CDH3: variants seen among roughly 807,000 people sequenced by gnomAD.
The protein encoded by CDH3 is cadherin-3.
CDH3 carries 54 observed loss-of-function variants against 82.0 expected under a neutral mutation model. The observed-to-expected ratio is 0.66, with a 90% CI of 0.53 to 0.83. The LOEUF is 0.83. Among genes scored for constraint, CDH3 ranks in the 40% least tolerant of loss-of-function variants. The pLI is 0.00. For synonymous variants in CDH3, 446 were observed against 437.9 expected (o/e 1.02, Z -0.23); for missense variants, 1,054 against 1,084.6 (o/e 0.97, Z 0.40).
At chr16:68,704,154 G>T (rs895420065), downstream of CDH3, among the ~76,000 whole-genome samples, 1 of 151,546 alleles carries the variant, frequency 6.6e-6, no homozygotes, top group Admixed American at 6.6e-5. Flanking sequence ...GGGCGTGGTG[G>T]CGGGCGCCTG....
At chr16:68,651,808 A>G (rs982637443) in intron 2 of CDH3, 2 of 489,394 alleles carry the variant, frequency 4.1e-6, no homozygotes, top group African/African-American at 4.0e-5. Context: ...CCCTGCTGGA[A>G]GTCAGGGCTG....
intron 2 of CDH3, among the ~76,000 whole-genome samples, chr16:68,673,762 T>C (rs1377573655): frequency 6.6e-6 from 1 of 152,000 alleles, no homozygotes; most frequent in Non-Finnish European, 1.5e-5. Flanking sequence ...CCATCTCTAC[T>C]AAAAATACTA....
chr16:68,709,149 C>T (rs1478747981), intron 1 of CDH3, among the ~76,000 whole-genome samples: 1 of 152,076 alleles, frequency 6.6e-6, no homozygotes, highest in Non-Finnish European at 1.5e-5. Flanking sequence ...AATCACAGTT[C>T]ACTGCAGCCT....
chr16:68,673,928 A>G (rs1960961667), intron 2 of CDH3, among the ~76,000 whole-genome samples: 1 of 152,000 alleles, frequency 6.6e-6, no homozygotes, highest in South Asian at 2.1e-4. Flanking sequence ...AAAAAAAAAG[A>G]TTCATCTCTT....
chr16:68,652,853 AT>A (rs1464046184), intron 2 of CDH3, among the ~76,000 whole-genome samples: 5 of 152,212 alleles, frequency 3.3e-5, no homozygotes, highest in African/African-American at 7.2e-5. Context: ...CCATTGAGAG[AT>A]TCTTGCGTAA....
rs370493999 is a variant in CDH3, at chr16:68,682,293, C to T, written c.997-9C>T. 1.9e-6 allele frequency: 3 copies of T among 1,613,158 alleles called. No homozygotes were observed. Among genetic ancestry groups the T allele is most frequent in the Non-Finnish European group, 1.7e-6 (2 of 1,179,648 alleles). ...TGCTCTGATAGTGCTGTGCTTCTCA[C>T]ACTGACAGTACGAGGCCCATGTGCC... On this transcript the variant is annotated splice_polypyrimidine_tract_variant and intron_variant, in intron 8 of 15. Coordinates refer to ENST00000264012, the MANE Select transcript of CDH3 (RefSeq NM_001793.6).
At chr16:68,669,698 T>C (rs1960834912) in intron 2 of CDH3, among the ~76,000 whole-genome samples, 1 of 152,102 alleles carries the variant, frequency 6.6e-6, no homozygotes, top group African/African-American at 2.4e-5. Flanking sequence ...ATTAGCCTCC[T>C]TCTGGGTTAC....
At chr16:68,657,546 C>T (rs1018565502) in intron 2 of CDH3, among the ~76,000 whole-genome samples, 1 of 152,076 alleles carries the variant, frequency 6.6e-6, no homozygotes, top group Non-Finnish European at 1.5e-5. Context: ...CTCCCTCGAC[C>T]CCATCTTTGA....
rs1267033625 is a variant in CDH3 at position 68,695,320 on chromosome 16, C to T, written c.2068C>T (p.Pro690Ser). ...KRKIKEPLLL[P>S]EDDTRDNVFY... Reference sequence around the variant, plus strand: ...GAAGATCAAGGAGCCCCTCCTACTCCCAGAAGATGACACCCGTGACAACGT... The same window carrying T: ...GAAGATCAAGGAGCCCCTCCTACTCTCAGAAGATGACACCCGTGACAACGT... Residue 690 changes from proline to serine, a missense_variant, in exon 14 of 16, where the codon CCA becomes TCA. Transcript: ENST00000264012. The T allele has an allele frequency of 6.2e-7, 1 of 1,614,030 alleles. No individual in the cohort carries two copies. Among genetic ancestry groups the T allele is most frequent in the Non-Finnish European group, 8.5e-7 (1 of 1,179,980 alleles).
At chr16:68,687,398 A>G (rs1368032746) in intron 11 of CDH3, 114 bp from the exon 12 acceptor site, 2 of 764,918 alleles carry the variant, frequency 2.6e-6, no homozygotes, top group African/African-American at 3.4e-5. Flanking sequence ...ATGTATTGGA[A>G]GCAAGGGCAT....
intron 2 of CDH3, among the ~76,000 whole-genome samples, chr16:68,661,747 G>C (rs1267715684): frequency 6.6e-6 from 1 of 152,188 alleles, no homozygotes; most frequent in East Asian, 1.9e-4. Context: ...GGAATTCAAT[G>C]GCGCGATCTC....
intron 1 of CDH3, among the ~76,000 whole-genome samples, chr16:68,721,784 A>G (rs1357764281): frequency 6.6e-6 from 1 of 152,148 alleles, no homozygotes; most frequent in Non-Finnish European, 1.5e-5. Flanking sequence ...ATAATAATAC[A>G]TAATTGTTAA....
At position 68,649,489 on chromosome 16, in the gene CDH3, A is replaced by C. The variant is rs954536498; in HGVS notation, c.160+3739A>C. 2.6e-5 allele frequency among the ~76,000 whole-genome samples: 4 copies of C among 152,220 alleles called. No homozygotes were observed. The East Asian group carries it at 7.7e-4, about 29-fold the overall frequency. On this transcript the variant is annotated intron_variant, in intron 2 of 15. Transcript: ENST00000264012. Reference sequence around the variant, plus strand: ...GATCAGGCACTGTTCCACAACTTCAACTAAAGCAATGAACAAAACGAAGTC... The same window carrying C: ...GATCAGGCACTGTTCCACAACTTCACCTAAAGCAATGAACAAAACGAAGTC...
intron 7 of CDH3, among the ~76,000 whole-genome samples, 200 bp downstream of exon 7, chr16:68,680,174 G>A (rs542984966): frequency 3.9e-5 from 6 of 152,338 alleles, no homozygotes; most frequent in Middle Eastern, 3.4e-3. Context: ...AGCCAATCTC[G>A]TTAAATCTCC....
At position 68,679,980 on chromosome 16, in the gene CDH3, T is replaced by C. The variant is rs753122508; in HGVS notation, c.867+6T>C. 9.5e-5 allele frequency: 153 copies of C among 1,613,540 alleles called. No homozygotes were observed. The highest frequency in any genetic ancestry group is 1.2e-4 in the Non-Finnish European group (146 of 1,179,650). On this transcript the variant is annotated splice_donor_region_variant and intron_variant, in intron 7 of 15. Transcript: ENST00000264012. ...CCAGTGGCCTGGACCGGGAAGTGAG[T>C]GGCCCTTAGGGAAAGTACTGCCTAC...
chr16:68,696,191 C>T (rs1180833652), intron 15 of CDH3: 50 of 448,460 alleles, frequency 1.1e-4, no homozygotes, highest in Admixed American at 9.9e-4. Flanking sequence ...GAGGCTGAGA[C>T]GGGTGAATCA....
chr16:68,710,915 G>A lies in CDH3; in HGVS notation c.100-11510G>A, dbSNP rs576655693. ...AGAAGAAAAGAAGAAAGGAAGAAAG[G>A]AGAGAGGGAAGGAGAGAAGGGAGGG... On this transcript the variant is annotated intron_variant, in intron 1 of 2. Transcript: ENST00000569080. Among the ~76,000 whole-genome samples the A allele has an allele frequency of 1.4e-3, 201 of 139,892 alleles. 1 individual carries two copies. In the South Asian group the frequency reaches 0.018, roughly 13 times the overall value. The allele number at this position is 139,892 out of a possible 152,430, so 91.8% of individuals were successfully genotyped here.
At chr16:68,679,206 C>T (rs1961131613) in intron 6 of CDH3, among the ~76,000 whole-genome samples, 1 of 152,362 alleles carries the variant, frequency 6.6e-6, no homozygotes, top group South Asian at 2.1e-4. Flanking sequence ...TCTTTACCGG[C>T]TGTGATCCTG....
intron 12 of CDH3, among the ~76,000 whole-genome samples, chr16:68,688,138 A>C (rs1396914752): frequency 6.6e-6 from 1 of 150,908 alleles, no homozygotes. Flanking sequence ...CCATCTACAC[A>C]GGAAGGCGGT....
Sources: gnomAD v4.1 joint callset for allele counts (sites outside exome capture counted in the v4.1 genomes callset) on GRCh38, gnomAD v4.1.1 for gene constraint, MANE v1.5 for transcripts, NCBI Gene and HGNC (gene_info 2026-07-23, HGNC 2026-07-21) for gene names.